The following SLC20A2 variants were observed in gnomAD, a reference collection of about 807,000 sequenced individuals.
SLC20A2 encodes the protein sodium-dependent phosphate transporter 2.
SLC20A2 carries 30 observed loss-of-function variants against 61.0 expected under a neutral mutation model. That is an observed-to-expected ratio of 0.49 (90% CI 0.37 to 0.67). The LOEUF is 0.67. Among genes scored for constraint, SLC20A2 ranks in the 30% least tolerant of loss-of-function variants. The pLI is 0.00. For synonymous variants in SLC20A2, 351 were observed against 353.3 expected, an observed-to-expected ratio of 0.99 and a Z score of 0.07; for missense variants, 626 against 866.4, an observed-to-expected ratio of 0.72 and a Z score of 3.48.
intron 1 of SLC20A2, among the ~76,000 whole-genome samples, chr8:42,498,796 C>A (rs1007572962): frequency 2.0e-5 from 3 of 148,186 alleles, no homozygotes; most frequent in Non-Finnish European, 4.6e-5. Context: ...GGGATGTGAT[C>A]ACTGAGCATC....
At chr8:42,463,580 C>G (rs1806877492) in intron 3 of SLC20A2, among the ~76,000 whole-genome samples, 1 of 152,164 alleles carries the variant, frequency 6.6e-6, no homozygotes, top group Non-Finnish European at 1.5e-5. Flanking sequence ...GTAGTTCCCG[C>G]CTCTGGGTGC....
Position 42,437,433 on chromosome 8 carries a change from T to A in SLC20A2, c.1079A>T (p.Lys360Ile). The A allele has an allele frequency of 6.2e-7, 1 of 1,614,094 alleles. No homozygotes were observed. Among genetic ancestry groups the A allele is most frequent in the Non-Finnish European group, 8.5e-7 (1 of 1,180,002 alleles). ...CTCGGGGCCCCTGTCGATGTGGATT[T>A]TGTGCAGCAGATCTTTGTAGAGCCC... The part of the protein sequence containing the change: ...DSGLYKDLLH[K>I]IHIDRGPEEK... The change falls in exon 8 of 11, where the codon AAA (lysine) becomes ATA (isoleucine). Residue 360 changes from lysine (K) to isoleucine (I), a missense_variant. Physicochemically the swap from Lys to Ile is moderately radical, Grantham distance 102 (BLOSUM62 -3). Coordinates refer to ENST00000520262, the MANE Select transcript of SLC20A2 (RefSeq NM_001257180.2). The surrounding 1 kb of genome is among the most constrained non-coding windows in gnomAD (Gnocchi z 6.4).
In SLC20A2 at chr8:42,444,796, G is replaced by A. The variant is rs781246085; in HGVS notation, c.614-34C>T. ...GAAAATGAGAAGCAGTGTCATTACT[G>A]GAAACTTCTGCAAGGTCAGGCCTCA... is the stretch of plus-strand genomic sequence containing the variant. On this transcript the variant is annotated intron_variant, in intron 5 of 10. Coordinates refer to ENST00000520262, the MANE Select transcript of SLC20A2 (RefSeq NM_001257180.2). The A allele has an allele frequency of 1.7e-5, 27 of 1,543,482 alleles. 1 individual carries two copies. The South Asian group carries it at 2.6e-4, about 15-fold the overall frequency.
At chr8:42,459,620 A>AT (rs1039756208) in intron 5 of SLC20A2, among the ~76,000 whole-genome samples, 10 of 151,616 alleles carry the variant, frequency 6.6e-5, no homozygotes, top group African/African-American at 1.7e-4. Context: ...TGGGGATTTA[A>AT]TTTTTTTTTC....
At chr8:42,419,705 C>T (rs557617245) in intron 10 of SLC20A2, 2 of 971,682 alleles carry the variant, frequency 2.1e-6, no homozygotes, top group Non-Finnish European at 2.4e-6. Context: ...TTATAAATAG[C>T]TGTTAATGTA....
intron 1 of SLC20A2, among the ~76,000 whole-genome samples, chr8:42,521,083 T>G (rs932409981): frequency 0.14 from 16,809 of 121,444 alleles, 4,424 homozygotes; most frequent in African/African-American, 0.37. Flanking sequence ...AAAAAAAATT[T>G]GATCTAGCAA....
chr8:42,517,523 C>A (rs1172875864), intron 1 of SLC20A2, among the ~76,000 whole-genome samples: 2 of 151,958 alleles, frequency 1.3e-5, no homozygotes, highest in Non-Finnish European at 2.9e-5. Flanking sequence ...GCAGCAAGAG[C>A]CCCTTTGAAA....
intron 1 of SLC20A2, among the ~76,000 whole-genome samples, chr8:42,525,079 A>T (rs563381332): frequency 6.6e-6 from 1 of 152,140 alleles, no homozygotes; most frequent in Non-Finnish European, 1.5e-5. Flanking sequence ...AGCTGACTCT[A>T]TATTGAAAAG....
intron 2 of SLC20A2, among the ~76,000 whole-genome samples, chr8:42,468,814 C>T (rs538583126): frequency 5.3e-4 from 81 of 152,114 alleles, no homozygotes; most frequent in Middle Eastern, 3.4e-3. Context: ...TTAAGGGTTT[C>T]GAGGAGCTGG....
upstream of SLC20A2, among the ~76,000 whole-genome samples, chr8:42,504,802 T>C (rs1188712797): frequency 3.4e-5 from 4 of 119,180 alleles, no homozygotes; most frequent in Non-Finnish European, 6.4e-5. Flanking sequence ...GCCAAGATCA[T>C]GCCACTGCCA....
chr8:42,452,183 T>TGA (rs1450728991), intron 5 of SLC20A2, among the ~76,000 whole-genome samples: 2 of 56,986 alleles, frequency 3.5e-5, no homozygotes, highest in East Asian at 5.1e-4. Flanking sequence ...GAGGAAGAGA[T>TGA]AGGAGGAGGA....
intron 1 of SLC20A2, among the ~76,000 whole-genome samples, chr8:42,488,920 A>T (rs1381954715): frequency 3.0e-5 from 4 of 131,148 alleles, no homozygotes; most frequent in South Asian, 2.7e-4. Flanking sequence ...TTTGTTTTTG[A>T]GTTATAGGAG....
intron 3 of SLC20A2, among the ~76,000 whole-genome samples, chr8:42,464,899 C>T (rs369482738): frequency 7.9e-5 from 12 of 152,074 alleles, no homozygotes; most frequent in African/African-American, 2.9e-4. Flanking sequence ...TGCTTGAACT[C>T]GGGAGGCGGA....
At chr8:42,504,874 A>AAAAAAAAC (rs1810558622), upstream of SLC20A2, among the ~76,000 whole-genome samples, 1 of 145,562 alleles carries the variant, frequency 6.9e-6, no homozygotes, top group Non-Finnish European at 1.5e-5. Context: ...AAAAAAAAAA[A>AAAAAAAAC]AAAAAAAAAA....
At chr8:42,526,098 A>G (rs1352297946) in intron 1 of SLC20A2, among the ~76,000 whole-genome samples, 3 of 152,172 alleles carry the variant, frequency 2.0e-5, no homozygotes, top group South Asian at 2.1e-4. Context: ...AACAGGTAAG[A>G]AGGAGGAACT....
intron 1 of SLC20A2, among the ~76,000 whole-genome samples, chr8:42,535,742 G>A (rs1015788846): frequency 3.3e-5 from 5 of 152,190 alleles, no homozygotes; most frequent in Non-Finnish European, 7.4e-5. Flanking sequence ...TCTTACTGGA[G>A]AAAAGGCACC....
Position 42,479,124 on chromosome 8 carries a change from A to C in SLC20A2, c.-264-6470T>G, listed in dbSNP as rs1043499816. Among the ~76,000 whole-genome samples, 32 of 152,168 alleles carry C rather than the reference A, an allele frequency of 2.1e-4. 1 individual carries two copies. The highest frequency in any genetic ancestry group is 2.0e-4 in the Admixed American group (3 of 15,272). On this transcript the variant is annotated intron_variant, in intron 1 of 10. Coordinates refer to ENST00000520262, the MANE Select transcript of SLC20A2 (RefSeq NM_001257180.2). Reference sequence around the variant, plus strand: ...CCTACGGACCTCTCTTCAAATTCACAAGGAAAAGAAAAGCTGGCTTTCTGC... The same window carrying C: ...CCTACGGACCTCTCTTCAAATTCACCAGGAAAAGAAAAGCTGGCTTTCTGC...
chr8:42,492,304 T>A (rs1488121365), intron 1 of SLC20A2, among the ~76,000 whole-genome samples: 2 of 151,988 alleles, frequency 1.3e-5, no homozygotes, highest in African/African-American at 4.8e-5. Flanking sequence ...TGCAGTGAGC[T>A]GAGATCGTGC....
intron 1 of SLC20A2, among the ~76,000 whole-genome samples, chr8:42,500,339 T>C (rs1586215556): frequency 6.6e-6 from 1 of 152,362 alleles, no homozygotes; most frequent in East Asian, 1.9e-4. Flanking sequence ...TCTTTTGTTT[T>C]CTTCAGTACA....
Sources: allele counts gnomAD v4.1 joint callset (sites outside exome capture counted in the v4.1 genomes callset), GRCh38; gene constraint gnomAD v4.1.1; non-coding constraint Gnocchi (gnomAD v3.1); transcripts MANE v1.5; gene names NCBI Gene and HGNC (gene_info 2026-07-23, HGNC 2026-07-21).